Variants in HECW1 observed in about 807,000 individuals in gnomAD.
The protein encoded by HECW1 is E3 ubiquitin-protein ligase HECW1.
A neutral mutation model predicts 182.3 loss-of-function variants in HECW1; 61 were observed. The observed-to-expected ratio is 0.33, with a 90% CI of 0.27 to 0.41. The LOEUF is 0.41. Ranked by LOEUF, HECW1 falls within the 10% of genes least tolerant of loss-of-function variation. The pLI is 1.00. For missense variants in HECW1, 1,739 were observed against 2,108.9 expected (o/e 0.82, Z 3.44); for synonymous variants, 859 against 832.6 (o/e 1.03, Z -0.55).
At chr7:43,256,475 G>A (rs1800582460) in intron 3 of HECW1, among the ~76,000 whole-genome samples, 1 of 151,982 alleles carries the variant, frequency 6.6e-6, no homozygotes, top group South Asian at 2.1e-4. Context: ...CAGCCGTGGT[G>A]GCAGGCGCCT....
chr7:43,336,118 CTT>C (rs1491547977), intron 5 of HECW1, among the ~76,000 whole-genome samples: 9 of 100,642 alleles, frequency 8.9e-5, no homozygotes, highest in African/African-American at 2.6e-4. Flanking sequence ...TTCTTTCTTT[CTT>C]TCTTTCTCTC....
Position 43,562,019 on chromosome 7 carries a change from T to C in HECW1, c.*93T>C, listed in dbSNP as rs2082222951. 1 of 721,196 alleles carries C rather than the reference T, an allele frequency of 1.4e-6. No homozygotes were observed. Among genetic ancestry groups the C allele is most frequent in the Non-Finnish European group, 2.4e-6 (1 of 416,092 alleles). The allele number at this position is 721,196 out of a possible 1,614,324, so 44.7% of individuals were successfully genotyped here. ...CCCTTTCCCTTAATCAACTCTCCTT[T>C]GATTTTGGTATTCCATGATTTTTAT... On this transcript the variant is annotated 3_prime_UTR_variant, in exon 30 of 30. Coordinates refer to ENST00000395891, the MANE Select transcript of HECW1 (RefSeq NM_015052.5).
intron 2 of HECW1, among the ~76,000 whole-genome samples, chr7:43,209,175 C>G (rs1795763761): frequency 1.3e-5 from 1 of 75,024 alleles, no homozygotes; most frequent in Admixed American, 1.2e-4. Context: ...ACAGTGGCAT[C>G]AGACCCACTA....
chr7:43,193,643 A>T (rs1415548353), intron 2 of HECW1, among the ~76,000 whole-genome samples: 2 of 151,812 alleles, frequency 1.3e-5, no homozygotes, highest in Non-Finnish European at 1.5e-5. Flanking sequence ...CAGCCTCCCA[A>T]ATTGCTGGGA....
chr7:43,425,838 C>T (rs1334366161), intron 8 of HECW1, among the ~76,000 whole-genome samples: 3 of 152,148 alleles, frequency 2.0e-5, no homozygotes, highest in Non-Finnish European at 2.9e-5. Context: ...AAGGCCCCAC[C>T]TCTAATACTG....
intron 22 of HECW1, among the ~76,000 whole-genome samples, chr7:43,507,478 G>A (rs2079632895): frequency 1.3e-5 from 2 of 152,140 alleles, no homozygotes; most frequent in Admixed American, 6.6e-5. Flanking sequence ...GAGGGAAAGA[G>A]AATGAGAAAG....
At position 43,324,511 on chromosome 7, in the gene HECW1, G is replaced by A. The variant is rs187035003; in HGVS notation, c.460+3769G>A. Among the ~76,000 whole-genome samples the A allele has an allele frequency of 6.4e-3, 970 of 152,212 alleles. 11 individuals are homozygous for A. Among genetic ancestry groups the A allele is most frequent in the Admixed American group, 9.3e-3 (142 of 15,292 alleles). ...ACAAGTAGGGAGAGATTGGCTCTAC[G>A]AAACGTTCTCATATGGCTATCCTTC... On this transcript the variant is annotated intron_variant, in intron 5 of 29. Coordinates refer to ENST00000395891, the MANE Select transcript of HECW1 (RefSeq NM_015052.5).
chr7:43,293,219 CAA>C (rs34748611), intron 3 of HECW1, among the ~76,000 whole-genome samples: 5 of 76,568 alleles, frequency 6.5e-5, no homozygotes, highest in Admixed American at 1.4e-4. Flanking sequence ...GACTATGTCT[CAA>C]AAAAAAAAAA....
chr7:43,448,518 C>T (rs2077133420), intron 11 of HECW1, among the ~76,000 whole-genome samples: 1 of 152,140 alleles, frequency 6.6e-6, no homozygotes, highest in Non-Finnish European at 1.5e-5. Context: ...GGTATAATTA[C>T]AGAATCTCCC....
chr7:43,395,973 TAG>T (rs2075216718), intron 6 of HECW1, among the ~76,000 whole-genome samples: 1 of 152,246 alleles, frequency 6.6e-6, no homozygotes, highest in African/African-American at 2.4e-5. Context: ...TTTCTCTTCC[TAG>T]TACAGATTAC....
At chr7:43,527,176 A>G (rs1334012787) in intron 24 of HECW1, among the ~76,000 whole-genome samples, 1 of 152,198 alleles carries the variant, frequency 6.6e-6, no homozygotes, top group Admixed American at 6.5e-5. Flanking sequence ...TTAGTGGAAC[A>G]CTTACAAATT....
At chr7:43,150,009 A>T (rs1583699374) in intron 2 of HECW1, among the ~76,000 whole-genome samples, 2 of 152,172 alleles carry the variant, frequency 1.3e-5, no homozygotes. Flanking sequence ...GGTTTGTCTA[A>T]TATTATCTCA....
chr7:43,124,183 A>G (rs1193554396), intron 2 of HECW1, among the ~76,000 whole-genome samples: 2 of 152,176 alleles, frequency 1.3e-5, no homozygotes, highest in Admixed American at 6.5e-5. Context: ...TTTGTGGTAG[A>G]TATTTTTTTC....
chr7:43,445,616 G>A (rs1204141588), intron 11 of HECW1, 46 bp downstream of exon 11: 2 of 1,480,752 alleles, frequency 1.4e-6, no homozygotes, highest in Non-Finnish European at 1.8e-6. Context: ...CCATCAGGGG[G>A]ACAAAGGTGT....
At chr7:43,278,473 G>A (rs780791062) in intron 3 of HECW1, among the ~76,000 whole-genome samples, 5 of 152,058 alleles carry the variant, frequency 3.3e-5, no homozygotes, top group Non-Finnish European at 7.4e-5. Flanking sequence ...TCCCACCCAT[G>A]CGGCCCGTTC....
At chr7:43,466,991 A>T (rs921209880) in intron 15 of HECW1, among the ~76,000 whole-genome samples, 5 of 152,196 alleles carry the variant, frequency 3.3e-5, no homozygotes, top group African/African-American at 1.2e-4. Flanking sequence ...TTTTTCGAAT[A>T]TCGTGCTGAA....
At chr7:43,334,082 A>C (rs1054113496) in intron 5 of HECW1, among the ~76,000 whole-genome samples, 10 of 152,210 alleles carry the variant, frequency 6.6e-5, no homozygotes, top group African/African-American at 2.4e-4. Flanking sequence ...GTTTCAGCCA[A>C]GTCAATGGTT....
intron 26 of HECW1, among the ~76,000 whole-genome samples, chr7:43,542,469 T>A (rs1306787935): frequency 6.6e-6 from 1 of 151,422 alleles, no homozygotes; most frequent in Admixed American, 6.6e-5. Flanking sequence ...TTTATATGTA[T>A]ATAAAATATT....
intron 27 of HECW1, among the ~76,000 whole-genome samples, chr7:43,551,430 T>C (rs2081821993): frequency 9.2e-6 from 1 of 108,710 alleles, no homozygotes; most frequent in South Asian, 2.8e-4. Context: ...GGATGGAAAA[T>C]ACAGTCGTTT....
Sources: allele counts gnomAD v4.1 joint callset (sites outside exome capture counted in the v4.1 genomes callset), GRCh38; gene constraint gnomAD v4.1.1; transcripts MANE v1.5; gene names NCBI Gene and HGNC (gene_info 2026-07-23, HGNC 2026-07-21).